Variants in SIM2 observed in about 807,000 individuals in gnomAD.
SIM2 encodes SIM bHLH transcription factor 2, also known as single-minded homolog 2.
In SIM2, 28 loss-of-function variants were observed where a neutral mutation model predicts 64.8. The observed-to-expected ratio is 0.43, with a 90% CI of 0.32 to 0.59. The LOEUF is 0.59. Ranked by LOEUF, SIM2 falls within the 20% of genes least tolerant of loss-of-function variation. SIM2 has a pLI of 0.07. For synonymous variants in SIM2, 408 were observed against 391.1 expected, an observed-to-expected ratio of 1.04 and a Z score of -0.51; for missense variants, 847 against 871.4, an observed-to-expected ratio of 0.97 and a Z score of 0.35.
intron 4 of SIM2, chr21:36,720,197 C>T (rs753302381): frequency 3.1e-5 from 13 of 413,762 alleles, no homozygotes; most frequent in Non-Finnish European, 4.9e-5. Flanking sequence ...TGCAAGCCTG[C>T]TCCCCTCGTG....
chr21:36,716,881 T>C (rs1008920061), intron 3 of SIM2, among the ~76,000 whole-genome samples: 2 of 150,456 alleles, frequency 1.3e-5, no homozygotes, highest in East Asian at 3.9e-4. Flanking sequence ...TTTTGTGAGG[T>C]AGTCACATTT....
chr21:36,717,583 G>C (rs2088764607), intron 3 of SIM2, among the ~76,000 whole-genome samples: 1 of 151,912 alleles, frequency 6.6e-6, no homozygotes, highest in Non-Finnish European at 1.5e-5. Context: ...TTGTAGCTGG[G>C]ATCACAGCCG....
At chr21:36,731,390 G>T (rs2088967515) in intron 7 of SIM2, among the ~76,000 whole-genome samples, 1 of 152,212 alleles carries the variant, frequency 6.6e-6, no homozygotes, top group Admixed American at 6.5e-5. Flanking sequence ...GGATCAGGAA[G>T]TTGCCTGGAT....
chr21:36,727,718 G>A (rs2088911656), intron 6 of SIM2, among the ~76,000 whole-genome samples: 2 of 152,178 alleles, frequency 1.3e-5, no homozygotes, highest in Admixed American at 1.3e-4. Flanking sequence ...CTTTGGCGGG[G>A]GGAGGAGAGA....
chr21:36,727,170 G>C (rs1346382759), intron 6 of SIM2, among the ~76,000 whole-genome samples: 4 of 152,136 alleles, frequency 2.6e-5, no homozygotes, highest in Admixed American at 6.5e-5. Context: ...AAGTAGCTGG[G>C]ATTCCAGGCA....
chr21:36,709,335 C>G (rs1488777191), intron 2 of SIM2, 85 bp downstream of exon 2: 2 of 1,106,566 alleles, frequency 1.8e-6, no homozygotes, highest in African/African-American at 3.1e-5. Context: ...CGTCCCTTCC[C>G]CAGGAGCGCC....
At position 36,699,547 on chromosome 21, in the gene SIM2, C is replaced by T. The variant is rs913799733; in HGVS notation, c.-200C>T. On this transcript the variant is annotated 5_prime_UTR_variant, in exon 1 of 11. Transcript: ENST00000290399. The surrounding 1 kb of genome is among the most constrained non-coding windows in gnomAD (Gnocchi z 5.6). The stretch of plus-strand genomic sequence containing the variant: ...TCCGGGCAGCGGCGGGCGGCGCCGC[C>T]GGGTTGCTCGGAGCTCAGGCCCGGC... 9.7e-6 allele frequency: 4 copies of T among 413,680 alleles called. No homozygotes were observed. Among genetic ancestry groups the T allele is most frequent in the African/African-American group, 2.1e-5 (1 of 46,880 alleles). 25.6% of individuals were successfully genotyped at this position (413,680 alleles called of 1,614,324 possible).
At chr21:36,706,421 G>T (rs889328308) in intron 1 of SIM2, among the ~76,000 whole-genome samples, 2 of 152,174 alleles carry the variant, frequency 1.3e-5, no homozygotes, top group Admixed American at 6.5e-5. Context: ...CCACAGGCTG[G>T]GTTGGGGACC....
rs2089240110 is a variant in SIM2 at position 36,747,202 on chromosome 21, G to C, written c.1577-463G>C. Among the ~76,000 whole-genome samples, 1 of 152,018 alleles carries C rather than the reference G, an allele frequency of 6.6e-6. No homozygotes were observed. The highest frequency in any genetic ancestry group is 2.4e-5 in the African/African-American group (1 of 41,384). On this transcript the variant is annotated intron_variant, in intron 10 of 10. Transcript: ENST00000290399. The surrounding 1 kb of genome is among the most constrained non-coding windows in gnomAD (Gnocchi z 4.5). ...GGGCAGAAGAAATCAGAGCAGACGG[G>C]GGCCCTCCAACACCAGGGCCCCTGG...
chr21:36,741,879 T>C lies in SIM2; in HGVS notation c.998+15T>C. On this transcript the variant is annotated intron_variant, in intron 8 of 10. Transcript: ENST00000290399. ...TATGTACTCACGTAAGTCACACGTA[T>C]TTGTTTCTCTCCTTGCTCTTTTCTC... The C allele has an allele frequency of 6.5e-7, 1 of 1,550,136 alleles. No individual in the cohort carries two copies. The highest frequency in any genetic ancestry group is 8.7e-7 in the Non-Finnish European group (1 of 1,144,686).
In SIM2 at chr21:36,747,145, G is replaced by A. The variant is rs1227152910; in HGVS notation, c.1577-520G>A. ...TCATTATGACACGGCGAAACCGATC[G>A]GGGTGGTTACCACCCCTCTCCACTA... On this transcript the variant is annotated intron_variant, in intron 10 of 10. Transcript: ENST00000290399. The surrounding 1 kb of genome is among the most constrained non-coding windows in gnomAD (Gnocchi z 4.5). Among the ~76,000 whole-genome samples, 4 of 152,078 alleles carry A rather than the reference G, an allele frequency of 2.6e-5. No individual in the cohort carries two copies. In the South Asian group the frequency reaches 6.2e-4, roughly 24 times the overall value.
chr21:36,736,501 A>T (rs764390013), intron 7 of SIM2, among the ~76,000 whole-genome samples: 1 of 152,192 alleles, frequency 6.6e-6, no homozygotes, highest in African/African-American at 2.4e-5. Flanking sequence ...GCCCCTAAAG[A>T]GAAAGAACTC....
At chr21:36,704,222 A>T (rs1976492507) in intron 1 of SIM2, among the ~76,000 whole-genome samples, 1 of 152,206 alleles carries the variant, frequency 6.6e-6, no homozygotes, top group African/African-American at 2.4e-5. Flanking sequence ...AAGCCAGGTT[A>T]TCTTAGAAAC....
At chr21:36,713,985 C>T (rs1052733633) in intron 3 of SIM2, among the ~76,000 whole-genome samples, 6 of 152,220 alleles carry the variant, frequency 3.9e-5, no homozygotes, top group African/African-American at 1.4e-4. Context: ...GATTAGTGTA[C>T]TTGTAGAATG....
intron 6 of SIM2, 152 bp from the exon 7 acceptor site, chr21:36,730,893 G>C (rs970678387): frequency 8.1e-6 from 5 of 613,858 alleles, no homozygotes; most frequent in Non-Finnish European, 1.5e-5. Flanking sequence ...TCAAAGACTT[G>C]CTTCTTGTAA....
At chr21:36,731,256 A>G in intron 7 of SIM2, 105 bp downstream of exon 7, 1 of 737,368 alleles carries the variant, frequency 1.4e-6, no homozygotes, top group African/African-American at 1.7e-5. Flanking sequence ...ATAATCATCC[A>G]TGATACACAC....
rs983944490 is a variant in SIM2, at chr21:36,747,792, G to C, written c.1704G>C (p.Gly568=). The C allele has an allele frequency of 9.6e-4, 1,007 of 1,052,562 alleles. 11 individuals are homozygous for C. The Admixed American group carries it at 0.025, about 26-fold the overall frequency. 65.2% of individuals were successfully genotyped at this position (1,052,562 alleles called of 1,614,324 possible). ...CCGCCCGCCAGGCCGCCCGGGACGG[G>C]GCGCGGCTGGCGCTGGCCCGCGCGG... ...AKAARQAARD[G]ARLALARAAP... Residue 568 remains glycine, a synonymous_variant, in exon 11 of 11, where the codon GGG becomes GGC. Transcript: ENST00000290399. This position sits in a 1 kb window ranked among gnomAD's most constrained non-coding sequence, Gnocchi z 4.5.
intron 7 of SIM2, among the ~76,000 whole-genome samples, chr21:36,732,121 G>A (rs1372765251): frequency 6.6e-6 from 1 of 152,178 alleles, no homozygotes; most frequent in Non-Finnish European, 1.5e-5. Flanking sequence ...GACCTCAGGT[G>A]ATCCATTTGT....
chr21:36,710,240 C>G (rs1228181420), intron 2 of SIM2: 1 of 152,244 alleles, frequency 6.6e-6, no homozygotes, highest in Admixed American at 6.5e-5. Flanking sequence ...TAGAGCCCAC[C>G]CGGATAACCA....
Sources: gnomAD v4.1 joint callset for allele counts (sites outside exome capture counted in the v4.1 genomes callset) on GRCh38, gnomAD v4.1.1 for gene constraint, Gnocchi (gnomAD v3.1) non-coding constraint, MANE v1.5 for transcripts, NCBI Gene and HGNC (gene_info 2026-07-23, HGNC 2026-07-21) for gene names.